DRC5: variants seen among roughly 807,000 people sequenced by gnomAD.
DRC5 encodes T-complex-associated testis-expressed protein 1.
the DRC5 span, among the ~76,000 whole-genome samples, chr6:44,293,807 T>G: frequency 6.6e-6 from 1 of 152,232 alleles, no homozygotes; most frequent in South Asian, 2.1e-4. Flanking sequence ...ATGTACAGTC[T>G]TCATCCCTGT....
chr6:44,287,703 T>G, the DRC5 span: 2 of 1,614,088 alleles, frequency 1.2e-6, no homozygotes, highest in Non-Finnish European at 1.7e-6. Flanking sequence ...CTGGTGTGAT[T>G]GAAGGCTTTG....
At chr6:44,284,924 T>A in the DRC5 span, among the ~76,000 whole-genome samples, 4 of 152,204 alleles carry the variant, frequency 2.6e-5, no homozygotes, top group African/African-American at 4.8e-5. Context: ...AATCCAGTAA[T>A]GGTACCTACT....
chr6:44,297,603 G>A, the DRC5 span: 1 of 152,284 alleles, frequency 6.6e-6, no homozygotes, highest in Non-Finnish European at 1.5e-5. Context: ...CGGCCAGAGG[G>A]GGCCCCGATA....
chr6:44,281,444 G>C, the DRC5 span, among the ~76,000 whole-genome samples: 3 of 152,188 alleles, frequency 2.0e-5, no homozygotes, highest in East Asian at 5.8e-4. Context: ...GAGTGCAGGG[G>C]CACGATCTCA....
the DRC5 span, among the ~76,000 whole-genome samples, chr6:44,286,931 G>A: frequency 2.3e-4 from 35 of 152,206 alleles, no homozygotes; most frequent in Non-Finnish European, 5.9e-5. Context: ...GTAGCACTAT[G>A]AGAGACTACT....
At chr6:44,287,217 A>G in the DRC5 span, 1 of 985,404 alleles carries the variant, frequency 1.0e-6, no homozygotes, top group Non-Finnish European at 1.2e-6. Context: ...ATCAGAGTAG[A>G]GGGCGGTTCA....
chr6:44,295,632 A>G, the DRC5 span, among the ~76,000 whole-genome samples: 1 of 152,234 alleles, frequency 6.6e-6, no homozygotes, highest in Non-Finnish European at 1.5e-5. Flanking sequence ...TCTGGTGGAC[A>G]GGTGTTCTGG....
chr6:44,292,352 T>A, the DRC5 span, among the ~76,000 whole-genome samples: 2 of 152,142 alleles, frequency 1.3e-5, no homozygotes, highest in Admixed American at 6.5e-5. Flanking sequence ...CACCACTTCC[T>A]CTCTGAAGGC....
the DRC5 span, chr6:44,285,835 T>C: frequency 3.3e-6 from 3 of 906,414 alleles, no homozygotes; most frequent in Non-Finnish European, 5.0e-6. Context: ...GCAGGGTGCA[T>C]TAAAAAACAC....
chr6:44,286,670 C>T, the DRC5 span: 1 of 712,066 alleles, frequency 1.4e-6, no homozygotes, highest in African/African-American at 1.8e-5. Flanking sequence ...AGCCTCTGCT[C>T]TCAGGGGGGC....
At chr6:44,293,966 A>G in the DRC5 span, among the ~76,000 whole-genome samples, 2 of 152,238 alleles carry the variant, frequency 1.3e-5, no homozygotes, top group African/African-American at 4.8e-5. Context: ...TAAAATGTAT[A>G]CTGACACTAA....
At chr6:44,288,514 A>G in the DRC5 span, among the ~76,000 whole-genome samples, 935 of 152,232 alleles carry the variant, frequency 6.1e-3, 9 homozygotes, top group Non-Finnish European at 9.6e-3. Flanking sequence ...TTGCCAAAAG[A>G]CACAGATATA....
chr6:44,286,509 G>A, the DRC5 span: 1 of 1,613,508 alleles, frequency 6.2e-7, no homozygotes, highest in Non-Finnish European at 8.5e-7. Flanking sequence ...TGTTCCGGGA[G>A]CATCTGCTTC....
the DRC5 span, among the ~76,000 whole-genome samples, chr6:44,295,711 A>T: frequency 1.4e-4 from 21 of 152,200 alleles, no homozygotes; most frequent in African/African-American, 4.8e-4. Flanking sequence ...ACATGTACAT[A>T]GCAGGAGGCA....
chr6:44,282,559 T>C, the DRC5 span: 6 of 1,582,362 alleles, frequency 3.8e-6, no homozygotes, highest in South Asian at 6.8e-5. Flanking sequence ...AGCTTGAAGA[T>C]CTGTGGGCAG....
At chr6:44,284,246 T>G in the DRC5 span, among the ~76,000 whole-genome samples, 1 of 152,040 alleles carries the variant, frequency 6.6e-6, no homozygotes, top group Non-Finnish European at 1.5e-5. Context: ...TCAGCTCTAT[T>G]CCACCCCGTT....
At chr6:44,295,259 G>A in the DRC5 span, among the ~76,000 whole-genome samples, 1 of 152,210 alleles carries the variant, frequency 6.6e-6, no homozygotes, top group African/African-American at 2.4e-5. Flanking sequence ...ACCACCTGGT[G>A]TCTCCATCCA....
chr6:44,295,658 C>G, the DRC5 span, among the ~76,000 whole-genome samples: 1 of 152,138 alleles, frequency 6.6e-6, no homozygotes, highest in Admixed American at 6.6e-5. Context: ...ATACCCTTGG[C>G]TATATATAGC....
chr6:44,285,965 TTGAGGGTG>T, the DRC5 span: 1 of 1,612,262 alleles, frequency 6.2e-7, no homozygotes, highest in South Asian at 1.1e-5. Flanking sequence ...AGACAGTACC[TTGAGGGTG>T]TGGCATGCCT....
Sources: gnomAD v4.1 joint callset for allele counts (sites outside exome capture counted in the v4.1 genomes callset) on GRCh38, gnomAD v4.1.1 for gene constraint, MANE v1.5 for transcripts, NCBI Gene and HGNC (gene_info 2026-07-23, HGNC 2026-07-21) for gene names.